SEC61A1: variants seen among roughly 807,000 people sequenced by gnomAD.
SEC61A1 encodes SEC61 translocon subunit alpha 1.
A neutral mutation model predicts 55.2 loss-of-function variants in SEC61A1; 15 were observed. The ratio of observed to expected loss-of-function variants is 0.27; its 90% CI spans 0.18 to 0.42. The LOEUF (loss-of-function observed/expected upper bound fraction) is 0.42, where lower values mean the gene tolerates loss of function less well. Among genes scored for constraint, SEC61A1 ranks in the 10% least tolerant of loss-of-function variants. The pLI is 1.00. For synonymous variants in SEC61A1, 247 were observed against 234.0 expected (o/e 1.06, Z -0.51); for missense variants, 284 against 602.6 (o/e 0.47, Z 5.53).
At chr3:128,065,732 A>ATTTTTTTTTTTT (rs758640768) in intron 8 of SEC61A1, among the ~76,000 whole-genome samples, 2 of 97,528 alleles carry the variant, frequency 2.1e-5, no homozygotes, top group Non-Finnish European at 3.8e-5. Context: ...ATCATTAAGA[A>ATTTTTTTTTTTT]TTTTTTTTTT....
intron 2 of SEC61A1, among the ~76,000 whole-genome samples, chr3:128,055,112 G>A (rs76722847): frequency 0.015 from 2,259 of 152,298 alleles, 54 homozygotes; most frequent in African/African-American, 0.05. Context: ...GTGGTTGCTC[G>A]TGTGTTTTAC....
chr3:128,059,912 G>C (rs958374577), intron 5 of SEC61A1, among the ~76,000 whole-genome samples, 190 bp from the exon 6 acceptor site: 2 of 152,078 alleles, frequency 1.3e-5, no homozygotes, highest in Non-Finnish European at 2.9e-5. Flanking sequence ...TTGTTAAAAG[G>C]CTTTTGATTC....
At chr3:128,060,380 T>G in intron 6 of SEC61A1, 128 bp from the exon 7 acceptor site, 1 of 1,148,790 alleles carries the variant, frequency 8.7e-7, no homozygotes, top group Non-Finnish European at 1.3e-6. Flanking sequence ...TACTGACCGC[T>G]CTCTGGGGCT....
intron 6 of SEC61A1, 102 bp downstream of exon 6, chr3:128,060,313 A>C (rs1941833757): frequency 9.3e-7 from 1 of 1,080,258 alleles, no homozygotes; most frequent in South Asian, 1.4e-5. Flanking sequence ...TCCTACTGAA[A>C]GGAAGCAGAA....
rs766069570 is a variant in SEC61A1, at chr3:128,060,125, G to A, written c.376G>A (p.Gly126Ser). Residue 126 changes from glycine (G) to serine (S), a missense_variant, in exon 6 of 12, where the codon GGC (glycine) becomes AGC (serine). Transcript: ENST00000243253. ...QKLFGMIITIGQSIVYVMTGM... is the reference protein window; with the variant it reads ...QKLFGMIITISQSIVYVMTGM... ...AGTATTTGGCATGATCATTACTATC[G>A]GCCAGTCTATCGTGTATGTGATGAC... 8.1e-6 allele frequency: 13 copies of A among 1,613,496 alleles called. No individual in the cohort carries two copies. The highest frequency in any genetic ancestry group is 1.7e-4 in the Middle Eastern group (1 of 6,060).
intron 5 of SEC61A1, among the ~76,000 whole-genome samples, chr3:128,057,552 T>A (rs1941789528): frequency 6.9e-6 from 1 of 144,496 alleles, no homozygotes; most frequent in Non-Finnish European, 1.5e-5. Flanking sequence ...ATTTGGCAAG[T>A]GTTTTATAAA....
Position 128,067,403 on chromosome 3 carries a change from T to C in SEC61A1, c.976-18T>C, listed in dbSNP as rs1576425808. ...AAATGAAGGAGCACTCACATGCGTT[T>C]GGTTTCTTCTTCCCCAGGACACGTC... On this transcript the variant is annotated intron_variant, in intron 9 of 11. Transcript: ENST00000243253. The surrounding 1 kb of genome is among the most constrained non-coding windows in gnomAD (Gnocchi z 4.1). The C allele has an allele frequency of 1.9e-6, 3 of 1,602,724 alleles. No individual in the cohort carries two copies. Among genetic ancestry groups the C allele is most frequent in the Middle Eastern group, 3.6e-4 (2 of 5,518 alleles).
At chr3:128,056,998 G>A (rs1941781757) in intron 5 of SEC61A1, among the ~76,000 whole-genome samples, 158 bp downstream of exon 5, 1 of 151,220 alleles carries the variant, frequency 6.6e-6, no homozygotes, top group African/African-American at 2.4e-5. Flanking sequence ...GTGCAGTGAC[G>A]CAGTCTTGGC....
At chr3:128,059,978 G>A in intron 5 of SEC61A1, 124 bp from the exon 6 acceptor site, 1 of 683,000 alleles carries the variant, frequency 1.5e-6, no homozygotes, top group Non-Finnish European at 2.6e-6. Flanking sequence ...GCCCCTTGGA[G>A]GTAGTATCAC....
At chr3:128,066,785 C>T in intron 8 of SEC61A1, 169 bp from the exon 9 acceptor site, 1 of 626,206 alleles carries the variant, frequency 1.6e-6, no homozygotes, top group Non-Finnish European at 2.8e-6. Context: ...TGCAGGAGTG[C>T]AGTGGTGGGT....
Position 128,060,081 on chromosome 3 carries a change from ACTT to A in SEC61A1, c.353-17_353-15del. On this transcript the variant is annotated intron_variant, in intron 5 of 11. Coordinates refer to ENST00000243253, the MANE Select transcript of SEC61A1 (RefSeq NM_013336.4). ...CTGTGTAGTGACCCACTTGGAAAAC[ACTT>A]CTTTCTTTCAATTCTAGTATTTGGC... 6.4e-7 allele frequency: 1 copy of A among 1,570,458 alleles called. No individual in the cohort carries two copies. The highest frequency in any genetic ancestry group is 8.8e-7 in the Non-Finnish European group (1 of 1,140,690).
rs921314526 is a variant in SEC61A1 at position 128,059,992 on chromosome 3, T to C, written c.353-110T>C. 12 of 758,534 alleles carry C rather than the reference T, an allele frequency of 1.6e-5. No homozygotes were observed. The South Asian group carries it at 1.7e-4, about 11-fold the overall frequency. The allele number at this position is 758,534 out of a possible 1,614,324, so 47.0% of individuals were successfully genotyped here. A position where few individuals can be genotyped will look rare whatever the true frequency, so the allele number is the denominator to read the frequency against. On this transcript the variant is annotated intron_variant, in intron 5 of 11. Coordinates refer to ENST00000243253, the MANE Select transcript of SEC61A1 (RefSeq NM_013336.4). ...AGCCCCTTGGAGGTAGTATCACTGC[T>C]CTTCATCTTTGTTCTCCCCCGTGCC...
Position 128,067,233 on chromosome 3 carries a change from T to C in SEC61A1, c.975+82T>C, listed in dbSNP as rs947051145. On this transcript the variant is annotated intron_variant, in intron 9 of 11. Transcript: ENST00000243253. This position sits in a 1 kb window ranked among gnomAD's most constrained non-coding sequence, Gnocchi z 4.1. ...TCAGTGTCTTGCTCATGAACAGATA[T>C]TTCATCCAAAGATATTTTCCATTGT... The C allele has an allele frequency of 2.9e-6, 4 of 1,388,030 alleles. No homozygotes were observed. Among genetic ancestry groups the C allele is most frequent in the Admixed American group, 3.6e-5 (2 of 55,760 alleles). The allele number at this position is 1,388,030 out of a possible 1,614,324, so 86.0% of individuals were successfully genotyped here.
intron 11 of SEC61A1, 58 bp downstream of exon 11, chr3:128,068,117 C>T (rs1942040574): frequency 7.3e-7 from 1 of 1,360,990 alleles, no homozygotes; most frequent in Non-Finnish European, 1.1e-6. Flanking sequence ...TGTTTCTTTC[C>T]ATGCAGGGCA....
chr3:128,052,714 G>C (rs1576418040), intron 1 of SEC61A1, 121 bp from the exon 2 acceptor site: 1 of 1,495,292 alleles, frequency 6.7e-7, no homozygotes. Flanking sequence ...CACGCGTCCG[G>C]GGTGCGGCCG....
intron 1 of SEC61A1, 24 bp from the exon 2 acceptor site, chr3:128,052,811 C>T: frequency 6.2e-7 from 1 of 1,606,106 alleles, no homozygotes; most frequent in Non-Finnish European, 8.5e-7. Context: ...CCCAACTCTT[C>T]CTGTTTTGTT....
chr3:128,067,600 C>T lies in SEC61A1; in HGVS notation c.1155C>T (p.Ser385=), dbSNP rs1392993107. The change falls in exon 10 of 12, where the codon TCC becomes TCT. Residue 385 remains serine (S), a synonymous_variant. Transcript: ENST00000243253. The surrounding 1 kb of genome is among the most constrained non-coding windows in gnomAD (Gnocchi z 4.1). ...FSKTWIEVSG[S]SAKDVAKQLK... is the part of the protein sequence containing the mutation. ...AAACGTGGATTGAGGTCTCAGGTTC[C>T]TCTGCCAAAGATGTAAGTAGAAGCA... 10 of 1,611,296 alleles carry T rather than the reference C, an allele frequency of 6.2e-6. No homozygotes were observed. The highest frequency in any genetic ancestry group is 8.5e-6 in the Non-Finnish European group (10 of 1,178,438).
At position 128,063,509 on chromosome 3, in the gene SEC61A1, GTAT is replaced by G. The variant is rs371641402; in HGVS notation, c.617-1362_617-1360del. 1.7e-3 allele frequency among the ~76,000 whole-genome samples: 263 copies of G among 152,296 alleles called. 1 individual carries two copies. The Middle Eastern group carries it at 0.048, about 28-fold the overall frequency. On this transcript the variant is annotated intron_variant, in intron 7 of 11. Coordinates refer to ENST00000243253, the MANE Select transcript of SEC61A1 (RefSeq NM_013336.4). ...GCCACCATGTTCGGCTAATTTTTTT[GTAT>G]TATTAGTAGAGACAGGGTTTCACCA...
At chr3:128,058,008 C>T (rs554646142) in intron 5 of SEC61A1, among the ~76,000 whole-genome samples, 89 of 152,070 alleles carry the variant, frequency 5.9e-4, no homozygotes, top group African/African-American at 2.1e-3. Context: ...ATGGTATTTG[C>T]CTCATATCTA....
Sources: allele counts gnomAD v4.1 joint callset (sites outside exome capture counted in the v4.1 genomes callset), GRCh38; gene constraint gnomAD v4.1.1; non-coding constraint Gnocchi (gnomAD v3.1); transcripts MANE v1.5; gene names NCBI Gene and HGNC (gene_info 2026-07-23, HGNC 2026-07-21).